The following PRKCA variants were observed in gnomAD, a reference collection of about 807,000 sequenced individuals.
PRKCA encodes the protein protein kinase C alpha type.
A neutral mutation model predicts 87.0 loss-of-function variants in PRKCA; 27 were observed. The ratio of observed to expected loss-of-function variants is 0.31; its 90% CI spans 0.23 to 0.43. The LOEUF (loss-of-function observed/expected upper bound fraction) is 0.43. Ranked by LOEUF, PRKCA falls within the 20% of genes least tolerant of loss-of-function variation. The pLI, the probability that PRKCA is intolerant of heterozygous loss-of-function variation, is 1.00. For synonymous variants in PRKCA, 329 were observed against 311.1 expected, an observed-to-expected ratio of 1.06 and a Z score of -0.61; for missense variants, 518 against 852.3, an observed-to-expected ratio of 0.61 and a Z score of 4.88.
At chr17:66,547,096 G>T (rs369281703) in intron 3 of PRKCA, among the ~76,000 whole-genome samples, 38 of 152,100 alleles carry the variant, frequency 2.5e-4, no homozygotes, top group African/African-American at 9.2e-4. Context: ...GTTTACCTTA[G>T]CGATCTTGCC....
intron 3 of PRKCA, among the ~76,000 whole-genome samples, chr17:66,497,494 C>T (rs1234981425): frequency 1.4e-5 from 2 of 147,200 alleles, no homozygotes; most frequent in South Asian, 2.1e-4. Context: ...AAAACTCCGT[C>T]TCAAAAAAAA....
chr17:66,614,808 G>A (rs570384489), intron 3 of PRKCA, among the ~76,000 whole-genome samples: 4 of 152,312 alleles, frequency 2.6e-5, no homozygotes, highest in Admixed American at 2.6e-4. Flanking sequence ...AGGGTTTAGG[G>A]ATACATGTGT....
At chr17:66,692,379 G>A (rs780786088) in intron 8 of PRKCA, among the ~76,000 whole-genome samples, 2 of 152,286 alleles carry the variant, frequency 1.3e-5, no homozygotes, top group East Asian at 3.9e-4. Flanking sequence ...AGAATTTTAC[G>A]ACAGCTGCCA....
At chr17:66,305,295 T>G (rs981372524) in intron 1 of PRKCA, among the ~76,000 whole-genome samples, 1 of 152,330 alleles carries the variant, frequency 6.6e-6, no homozygotes, top group East Asian at 1.9e-4. Flanking sequence ...TGACTCTAAG[T>G]TAATTTTAAA....
rs1229752163 is a variant in PRKCA, at chr17:66,689,502, A to G, written c.918+455A>G. 1.3e-5 allele frequency among the ~76,000 whole-genome samples: 2 copies of G among 152,222 alleles called. No individual in the cohort carries two copies. Among genetic ancestry groups the G allele is most frequent in the African/African-American group, 2.4e-5 (1 of 41,446 alleles). The stretch of plus-strand genomic sequence containing the variant: ...ACAAGGTTCCTAATTTTGTTCTGAA[A>G]GAGCAGCTTAAACAAATATGCCTTT... On this transcript the variant is annotated intron_variant, in intron 8 of 16. Coordinates refer to ENST00000413366, the MANE Select transcript of PRKCA (RefSeq NM_002737.3). The surrounding 1 kb of genome is among the most constrained non-coding windows in gnomAD (Gnocchi z 4.1).
intron 8 of PRKCA, among the ~76,000 whole-genome samples, chr17:66,706,843 A>G (rs987692346): frequency 1.1e-4 from 17 of 152,158 alleles, no homozygotes; most frequent in African/African-American, 4.1e-4. Context: ...AAGAGACTGC[A>G]TGGGCCTCAA....
At chr17:66,637,750 C>G (rs543157429) in intron 3 of PRKCA, among the ~76,000 whole-genome samples, 3 of 152,088 alleles carry the variant, frequency 2.0e-5, no homozygotes, top group African/African-American at 4.8e-5. Context: ...TTAGTGTGTC[C>G]GCCAACACAA....
At chr17:66,677,627 C>T (rs1036248283) in intron 5 of PRKCA, among the ~76,000 whole-genome samples, 2 of 152,252 alleles carry the variant, frequency 1.3e-5, no homozygotes, top group Non-Finnish European at 2.9e-5. Context: ...CCCAGGCCCC[C>T]TGAGGCAGGA....
chr17:66,487,827 T>A (rs1258817994), intron 2 of PRKCA, among the ~76,000 whole-genome samples: 1 of 152,226 alleles, frequency 6.6e-6, no homozygotes, highest in Non-Finnish European at 1.5e-5. Flanking sequence ...TTGAGAAATG[T>A]CTATTCAGGT....
rs1555650885 is a variant in PRKCA, at chr17:66,798,968, A to ATGGTGG, written c.1855-4833_1855-4828dup. Among the ~76,000 whole-genome samples, 75 of 10,916 alleles carry ATGGTGG rather than the reference A, an allele frequency of 6.9e-3. 8 individuals are homozygous for ATGGTGG. Among genetic ancestry groups the ATGGTGG allele is most frequent in the Non-Finnish European group, 7.9e-3 (46 of 5,790 alleles). The allele number at this position is 10,916 out of a possible 152,430, so 7.2% of individuals were successfully genotyped here. A position where few individuals can be genotyped will look rare whatever the true frequency, so the allele number is the denominator to read the frequency against. ...GGTGGTGGTGGTGGTGGTGGTGGTG[A>ATGGTGG]TGGTGGTGGTGGTGGTGGTGGTGGT... On this transcript the variant is annotated intron_variant, in intron 16 of 16. Transcript: ENST00000413366.
At chr17:66,685,634 T>A (rs942313592) in intron 5 of PRKCA, among the ~76,000 whole-genome samples, 1 of 151,990 alleles carries the variant, frequency 6.6e-6, no homozygotes, top group Admixed American at 6.6e-5. Context: ...ACACAGTAGA[T>A]CCACAGACTA....
chr17:66,486,006 G>A (rs979306552), intron 2 of PRKCA, among the ~76,000 whole-genome samples: 1 of 152,176 alleles, frequency 6.6e-6, no homozygotes, highest in African/African-American at 2.4e-5. Context: ...GGTTTTGGAT[G>A]TTCAGACATG....
rs535910777 is a variant in PRKCA at position 66,638,037 on chromosome 17, T to C, written c.289-3318T>C. On this transcript the variant is annotated intron_variant, in intron 3 of 16. Coordinates refer to ENST00000413366, the MANE Select transcript of PRKCA (RefSeq NM_002737.3). Reference sequence around the variant, plus strand: ...TCTGCCATTATAGCCAAAGAAAATATGTAAATAAAGGAGCATGTCTGTTTT... The same window carrying C: ...TCTGCCATTATAGCCAAAGAAAATACGTAAATAAAGGAGCATGTCTGTTTT... Among the ~76,000 whole-genome samples, 17 of 152,272 alleles carry C rather than the reference T, an allele frequency of 1.1e-4. No homozygotes were observed. The South Asian group carries it at 2.7e-3, about 24-fold the overall frequency.
intron 16 of PRKCA, among the ~76,000 whole-genome samples, chr17:66,793,918 G>T (rs1176209727): frequency 6.6e-6 from 1 of 152,234 alleles, no homozygotes; most frequent in African/African-American, 2.4e-5. Flanking sequence ...GAATTAATGT[G>T]AATGAAATGG....
rs539312061 is a variant in PRKCA at position 66,423,155 on chromosome 17, C to G, written c.206-73046C>G. Reference sequence around the variant, plus strand: ...TGCAGAGAAGGAGGTACTCTTAGAACTCTGGACTCTGTTAGCAAAAGCGTT... The same window carrying G: ...TGCAGAGAAGGAGGTACTCTTAGAAGTCTGGACTCTGTTAGCAAAAGCGTT... On this transcript the variant is annotated intron_variant, in intron 2 of 16. Coordinates refer to ENST00000413366, the MANE Select transcript of PRKCA (RefSeq NM_002737.3). Among the ~76,000 whole-genome samples, 4 of 152,002 alleles carry G rather than the reference C, an allele frequency of 2.6e-5. No homozygotes were observed. The South Asian group carries it at 8.3e-4, about 32-fold the overall frequency.
intron 2 of PRKCA, among the ~76,000 whole-genome samples, chr17:66,449,864 GTT>G (rs1914222606): frequency 6.6e-6 from 1 of 151,898 alleles, no homozygotes; most frequent in Non-Finnish European, 1.5e-5. Context: ...TTTTGTTGTT[GTT>G]TTTTTGTTTG....
chr17:66,654,484 C>A (rs28532289), intron 5 of PRKCA, among the ~76,000 whole-genome samples: 14,992 of 152,178 alleles, frequency 0.099, 798 homozygotes, highest in Middle Eastern at 0.18. Flanking sequence ...GTAGAGCTCC[C>A]GCAGCCTGCC....
chr17:66,357,211 C>A (rs913281701), intron 2 of PRKCA, among the ~76,000 whole-genome samples: 1 of 152,132 alleles, frequency 6.6e-6, no homozygotes, highest in East Asian at 1.9e-4. Flanking sequence ...GGTATAGGAA[C>A]TGGTGGAAGG....
chr17:66,629,820 A>G (rs1970959960), intron 3 of PRKCA, among the ~76,000 whole-genome samples: 1 of 152,144 alleles, frequency 6.6e-6, no homozygotes, highest in Non-Finnish European at 1.5e-5. Flanking sequence ...TATCATGAAT[A>G]TGAATGTGAT....
Sources: allele counts gnomAD v4.1 joint callset (sites outside exome capture counted in the v4.1 genomes callset), GRCh38; gene constraint gnomAD v4.1.1; non-coding constraint Gnocchi (gnomAD v3.1); transcripts MANE v1.5; gene names NCBI Gene and HGNC (gene_info 2026-07-23, HGNC 2026-07-21).